Variants in MAD1L1 observed in about 807,000 individuals in gnomAD.
MAD1L1 encodes mitotic arrest deficient 1 like 1.
A neutral mutation model predicts 96.9 loss-of-function variants in MAD1L1; 95 were observed. The ratio of observed to expected loss-of-function variants is 0.98; its 90% CI spans 0.83 to 1.16. The LOEUF is 1.16. Ranked by LOEUF, MAD1L1 falls within the 50% of genes most tolerant of loss-of-function variation. The pLI, the probability that MAD1L1 is intolerant of heterozygous loss-of-function variation, is 0.00. For missense variants in MAD1L1, 1,007 were observed against 954.4 expected (o/e 1.06, Z -0.73); for synonymous variants, 473 against 396.6 (o/e 1.19, Z -2.29).
chr7:1,826,799 G>A (rs578187341), intron 18 of MAD1L1, among the ~76,000 whole-genome samples: 2 of 152,314 alleles, frequency 1.3e-5, no homozygotes, highest in Non-Finnish European at 2.9e-5. Flanking sequence ...AATTATTCCT[G>A]CCTAATTGTA....
intron 10 of MAD1L1, among the ~76,000 whole-genome samples, chr7:2,209,484 A>C (rs10278084): frequency 0.11 from 16,566 of 152,222 alleles, 2,847 homozygotes; most frequent in African/African-American, 0.36. Flanking sequence ...TGGGACAGCC[A>C]GAAGCGCCCC....
At chr7:1,990,360 G>GC (rs1781353850) in intron 14 of MAD1L1, among the ~76,000 whole-genome samples, 1 of 152,208 alleles carries the variant, frequency 6.6e-6, no homozygotes, top group Non-Finnish European at 1.5e-5. Context: ...TGCACCCTCT[G>GC]GCACCAGGAA....
chr7:1,817,868 G>A lies in MAD1L1; in HGVS notation c.1999-1640C>T, dbSNP rs1443513494. Reference sequence around the variant, plus strand: ...CCGGAGCATGCCTGGGCTGGGCCCCGCCCTGATGGTGTCGCCCCTCCCCTC... The same window carrying A: ...CCGGAGCATGCCTGGGCTGGGCCCCACCCTGATGGTGTCGCCCCTCCCCTC... On this transcript the variant is annotated intron_variant, in intron 18 of 18. Transcript: ENST00000265854. 2.6e-5 allele frequency among the ~76,000 whole-genome samples: 4 copies of A among 151,946 alleles called. No individual in the cohort carries two copies. In the East Asian group the frequency reaches 7.8e-4, roughly 30 times the overall value.
At chr7:1,900,052 C>T (rs540490301) in intron 17 of MAD1L1, among the ~76,000 whole-genome samples, 42 of 152,324 alleles carry the variant, frequency 2.8e-4, no homozygotes, top group Admixed American at 2.2e-3. Flanking sequence ...GGCCAGATCA[C>T]GTGCCGGAGG....
At chr7:1,957,202 G>A (rs1458803725) in intron 16 of MAD1L1, among the ~76,000 whole-genome samples, 1 of 152,212 alleles carries the variant, frequency 6.6e-6, no homozygotes, top group Non-Finnish European at 1.5e-5. Context: ...CCTCTAACAG[G>A]TGCCAAGATA....
chr7:1,891,908 G>A (rs6978209), intron 18 of MAD1L1, among the ~76,000 whole-genome samples: 105,118 of 152,032 alleles, frequency 0.69, 37,113 homozygotes, highest in African/African-American at 0.83. Context: ...GAAAAGAACA[G>A]TATTTTTAAT....
chr7:2,082,175 G>T (rs115586449), intron 11 of MAD1L1, among the ~76,000 whole-genome samples: 17 of 152,258 alleles, frequency 1.1e-4, no homozygotes, highest in African/African-American at 4.1e-4. Flanking sequence ...GAGGCAGGAG[G>T]GGGAGGGGAC....
At chr7:1,834,696 A>C (rs1782861082) in intron 18 of MAD1L1, among the ~76,000 whole-genome samples, 1 of 152,260 alleles carries the variant, frequency 6.6e-6, no homozygotes, top group African/African-American at 2.4e-5. Context: ...TATTTAAAAA[A>C]GAAATAATAT....
At chr7:1,932,888 T>C (rs936438325) in intron 17 of MAD1L1, among the ~76,000 whole-genome samples, 3 of 152,250 alleles carry the variant, frequency 2.0e-5, no homozygotes, top group Non-Finnish European at 4.4e-5. Context: ...CATCTCGTTG[T>C]CTTTACTTTC....
At position 1,857,680 on chromosome 7, in the gene MAD1L1, A is replaced by G. The variant is rs112619801; in HGVS notation, c.1998+40520T>C. 2.7e-3 allele frequency among the ~76,000 whole-genome samples: 405 copies of G among 152,272 alleles called. 4 individuals are homozygous for G. The highest frequency in any genetic ancestry group is 7.8e-3 in the Admixed American group (119 of 15,298). ...TGGACAGGAGGAAGAGGGGCCTTGG[A>G]GCAAAAAAGAGGACACAGGAGTGTG... On this transcript the variant is annotated intron_variant, in intron 18 of 18. Transcript: ENST00000265854.
intron 10 of MAD1L1, among the ~76,000 whole-genome samples, chr7:2,181,636 C>T (rs1044922288): frequency 9.9e-5 from 15 of 152,174 alleles, no homozygotes; most frequent in African/African-American, 2.4e-5. Context: ...ACAAAGATTC[C>T]TTCGAGAACT....
chr7:1,827,204 G>A (rs538088380), intron 18 of MAD1L1, among the ~76,000 whole-genome samples: 1 of 152,352 alleles, frequency 6.6e-6, no homozygotes, highest in South Asian at 2.1e-4. Flanking sequence ...CGGGGATGGA[G>A]AAGGTGGGAG....
intron 11 of MAD1L1, among the ~76,000 whole-genome samples, chr7:2,133,929 G>C (rs1001193568): frequency 8.5e-5 from 13 of 152,208 alleles, no homozygotes; most frequent in African/African-American, 2.9e-4. Context: ...GCACCACCTT[G>C]ATCACTGTGG....
intron 18 of MAD1L1, among the ~76,000 whole-genome samples, chr7:1,892,406 T>C (rs370417977): frequency 6.6e-6 from 1 of 152,308 alleles, no homozygotes; most frequent in South Asian, 2.1e-4. Context: ...GTGCTGAGTA[T>C]CCCTTATTGG....
chr7:2,055,928 G>A (rs1784371506), intron 12 of MAD1L1, among the ~76,000 whole-genome samples: 1 of 152,188 alleles, frequency 6.6e-6, no homozygotes, highest in South Asian at 2.1e-4. Context: ...GCAGTGAGCT[G>A]AGATCATGCC....
At chr7:2,178,769 C>T (rs1051732677) in intron 10 of MAD1L1, among the ~76,000 whole-genome samples, 2 of 151,678 alleles carry the variant, frequency 1.3e-5, no homozygotes, top group Non-Finnish European at 2.9e-5. Context: ...TGGTGGCGGG[C>T]GCCTGTAATC....
intron 18 of MAD1L1, among the ~76,000 whole-genome samples, chr7:1,892,164 G>A (rs758985823): frequency 2.0e-5 from 3 of 152,158 alleles, no homozygotes; most frequent in Non-Finnish European, 4.4e-5. Context: ...ACTGCGCCAC[G>A]GTGGTCTACT....
chr7:1,877,184 T>A (rs1785428658), intron 18 of MAD1L1, among the ~76,000 whole-genome samples: 1 of 152,140 alleles, frequency 6.6e-6, no homozygotes, highest in Non-Finnish European at 1.5e-5. Flanking sequence ...GCTGGGGTCA[T>A]CAAACTCCAA....
chr7:1,987,143 C>G (rs367635952), intron 14 of MAD1L1, among the ~76,000 whole-genome samples: 15 of 152,228 alleles, frequency 9.9e-5, no homozygotes, highest in African/African-American at 3.6e-4. Flanking sequence ...CTCCCTCACC[C>G]CTCCCCTGCC....
Sources: gnomAD v4.1 joint callset for allele counts (sites outside exome capture counted in the v4.1 genomes callset) on GRCh38, gnomAD v4.1.1 for gene constraint, MANE v1.5 for transcripts, NCBI Gene and HGNC (gene_info 2026-07-23, HGNC 2026-07-21) for gene names.